MSRA: variants seen among roughly 807,000 people sequenced by gnomAD.
MSRA encodes the protein methionine sulfoxide reductase A.
In MSRA, 54 loss-of-function variants were observed where a neutral mutation model predicts 31.3. The ratio of observed to expected loss-of-function variants is 1.73; its 90% CI spans 1.39 to 2.17. MSRA has a LOEUF of 2.17. MSRA is among the 30% of genes most tolerant of loss of function. The pLI is 0.00. For missense variants in MSRA, 507 were observed against 300.9 expected (o/e 1.69, Z -5.07); for synonymous variants, 169 against 116.5 (o/e 1.45, Z -2.90).
At chr8:10,200,669 C>T (rs78422922) in intron 1 of MSRA, among the ~76,000 whole-genome samples, 2,266 of 152,272 alleles carry the variant, frequency 0.015, 62 homozygotes, top group African/African-American at 0.051. Context: ...TTTGTCCCCA[C>T]GTAGCCTCTC....
chr8:10,224,536 C>G (rs1223586154), intron 2 of MSRA, among the ~76,000 whole-genome samples: 3 of 151,888 alleles, frequency 2.0e-5, no homozygotes. Context: ...GTCCCCTTTT[C>G]TCAAGAGCAG....
chr8:10,221,618 A>G (rs1810509530), intron 2 of MSRA, among the ~76,000 whole-genome samples: 1 of 152,122 alleles, frequency 6.6e-6, no homozygotes, highest in South Asian at 2.1e-4. Flanking sequence ...ACAGGAAACA[A>G]ACAAAAATCT....
At chr8:10,097,933 C>A (rs1410202880) in intron 1 of MSRA, among the ~76,000 whole-genome samples, 1 of 152,076 alleles carries the variant, frequency 6.6e-6, no homozygotes, top group Non-Finnish European at 1.5e-5. Context: ...TAGAAATTCT[C>A]TCTGGCCTAC....
intron 2 of MSRA, among the ~76,000 whole-genome samples, chr8:10,214,719 C>T (rs539540853): frequency 1.3e-5 from 2 of 152,316 alleles, no homozygotes; most frequent in South Asian, 2.1e-4. Context: ...CTGGTGCAAA[C>T]TTCTTAAATG....
intron 5 of MSRA, among the ~76,000 whole-genome samples, chr8:10,389,952 C>G (rs547587281): frequency 6.6e-6 from 1 of 152,276 alleles, no homozygotes; most frequent in East Asian, 1.9e-4. Context: ...TTTGACCCAC[C>G]TGAGCCCACT....
chr8:10,219,884 GT>G (rs1354941702), intron 2 of MSRA, among the ~76,000 whole-genome samples: 3 of 121,024 alleles, frequency 2.5e-5, no homozygotes, highest in Non-Finnish European at 5.2e-5. Flanking sequence ...TTGTTTGTTT[GT>G]TTTTTGTTTT....
At chr8:10,221,426 G>A (rs958469754) in intron 2 of MSRA, among the ~76,000 whole-genome samples, 5 of 139,700 alleles carry the variant, frequency 3.6e-5, no homozygotes, top group East Asian at 4.3e-4. Context: ...ATATATATAT[G>A]TATATATGTG....
intron 1 of MSRA, among the ~76,000 whole-genome samples, chr8:10,149,592 G>A (rs1432252093): frequency 6.6e-6 from 1 of 152,062 alleles, no homozygotes; most frequent in Admixed American, 6.5e-5. Context: ...CATTGGGCAG[G>A]CTAACGTTTT....
chr8:10,338,474 C>T (rs929065572), intron 5 of MSRA, among the ~76,000 whole-genome samples: 1 of 152,042 alleles, frequency 6.6e-6, no homozygotes, highest in African/African-American at 2.4e-5. Context: ...TTCAGAATAA[C>T]TAAGAGCACA....
intron 3 of MSRA, among the ~76,000 whole-genome samples, chr8:10,281,118 A>C (rs1180088999): frequency 2.0e-5 from 3 of 152,248 alleles, no homozygotes; most frequent in Non-Finnish European, 4.4e-5. Flanking sequence ...ACTAAAAACC[A>C]CTGAGTTATA....
intron 1 of MSRA, among the ~76,000 whole-genome samples, chr8:10,137,708 G>A (rs901227888): frequency 6.6e-6 from 1 of 152,126 alleles, no homozygotes; most frequent in African/African-American, 2.4e-5. Flanking sequence ...TGGGCAGTGG[G>A]AGTGGTGACT....
intron 4 of MSRA, among the ~76,000 whole-genome samples, chr8:10,314,728 A>G (rs1801618640): frequency 6.6e-6 from 1 of 152,244 alleles, no homozygotes; most frequent in Non-Finnish European, 1.5e-5. Context: ...CCAGGCTGGT[A>G]ATGTTCATTA....
At chr8:10,218,235 C>G (rs11249976) in intron 2 of MSRA, among the ~76,000 whole-genome samples, 70,722 of 151,546 alleles carry the variant, frequency 0.47, 20,689 homozygotes, top group Non-Finnish European at 0.65. Context: ...CAACCTCTGC[C>G]TCCCAGGTTC....
At chr8:10,080,243 C>A (rs1798225551) in intron 1 of MSRA, among the ~76,000 whole-genome samples, 1 of 152,072 alleles carries the variant, frequency 6.6e-6, no homozygotes, top group Non-Finnish European at 1.5e-5. Flanking sequence ...CATATCCCTG[C>A]CTAGGAACTA....
intron 1 of MSRA, among the ~76,000 whole-genome samples, chr8:10,140,776 T>C (rs1357345376): frequency 3.3e-5 from 5 of 152,018 alleles, no homozygotes; most frequent in African/African-American, 1.2e-4. Context: ...TCTACTTTGC[T>C]TTAAAAAAAT....
intron 5 of MSRA, among the ~76,000 whole-genome samples, chr8:10,340,524 C>T (rs1803359299): frequency 6.6e-6 from 1 of 152,200 alleles, no homozygotes; most frequent in African/African-American, 2.4e-5. Context: ...AGGCATGTGC[C>T]ACCACGCCCA....
At chr8:10,278,753 A>T (rs1799459718) in intron 3 of MSRA, among the ~76,000 whole-genome samples, 1 of 152,202 alleles carries the variant, frequency 6.6e-6, no homozygotes, top group African/African-American at 2.4e-5. Flanking sequence ...AGAAATGGTT[A>T]GTATTTGTGA....
rs1290327013 is a variant in MSRA, at chr8:10,405,466, A to AAG, written c.544-22670_544-22669dup. Among the ~76,000 whole-genome samples, 3 of 152,228 alleles carry AAG rather than the reference A, an allele frequency of 2.0e-5. No homozygotes were observed. The South Asian group carries it at 6.2e-4, about 32-fold the overall frequency. On this transcript the variant is annotated intron_variant, in intron 5 of 5. Transcript: ENST00000317173. ...AGATGAGCTCTCTGCCAGATTCTTA[A>AAG]AGAGAGAGAGAGAATAAAATGTGAG... is the stretch of plus-strand genomic sequence containing the variant.
intron 1 of MSRA, among the ~76,000 whole-genome samples, chr8:10,190,722 C>G (rs148190555): frequency 5.3e-5 from 8 of 152,270 alleles, no homozygotes; most frequent in African/African-American, 1.9e-4. Context: ...GAATGGTTAT[C>G]CAAAAATTTC....
Sources: allele counts gnomAD v4.1 joint callset (sites outside exome capture counted in the v4.1 genomes callset), GRCh38; gene constraint gnomAD v4.1.1; transcripts MANE v1.5; gene names NCBI Gene and HGNC (gene_info 2026-07-23, HGNC 2026-07-21).